KPNA1: variants seen among roughly 807,000 people sequenced by gnomAD.
The protein encoded by KPNA1 is importin subunit alpha-5.
A neutral mutation model predicts 70.5 loss-of-function variants in KPNA1; 10 were observed. That is an observed-to-expected ratio of 0.14 (90% CI 0.09 to 0.24). The LOEUF is 0.24. KPNA1 is among the 10% of genes least tolerant of loss of function. The pLI is 1.00. For missense variants in KPNA1, 397 were observed against 637.9 expected (o/e 0.62, Z 4.07); for synonymous variants, 192 against 221.9 (o/e 0.87, Z 1.20).
intron 1 of KPNA1, among the ~76,000 whole-genome samples, chr3:122,503,220 G>C (rs2076850034): frequency 6.6e-6 from 1 of 151,578 alleles, no homozygotes; most frequent in Non-Finnish European, 1.5e-5. Flanking sequence ...GAGTTGTAAG[G>C]GTAAGCAATT....
At chr3:122,506,969 G>A (rs953717173) in intron 1 of KPNA1, among the ~76,000 whole-genome samples, 13 of 152,166 alleles carry the variant, frequency 8.5e-5, no homozygotes, top group African/African-American at 3.1e-4. Context: ...ACTGCAGTGT[G>A]ATTATTCTAG....
intron 5 of KPNA1, chr3:122,459,814 C>T: frequency 1.0e-6 from 1 of 985,360 alleles, no homozygotes. Flanking sequence ...AGGAACTCAT[C>T]ACCGCAACAA....
chr3:122,442,155 A>G (rs2076072184), intron 9 of KPNA1, 39 bp from the exon 10 acceptor site: 2 of 1,474,452 alleles, frequency 1.4e-6, no homozygotes, highest in East Asian at 4.5e-5. Flanking sequence ...AAACAGTTCT[A>G]TCCTTAGTTT....
Position 122,496,574 on chromosome 3 carries a change from C to T in KPNA1, c.-5-4G>A. 1 of 1,612,910 alleles carries T rather than the reference C, an allele frequency of 6.2e-7. No homozygotes were observed. Among genetic ancestry groups the T allele is most frequent in the South Asian group, 1.1e-5 (1 of 91,018 alleles). On this transcript the variant is annotated splice_polypyrimidine_tract_variant and splice_region_variant and intron_variant, in intron 1 of 13. Coordinates refer to ENST00000344337, the MANE Select transcript of KPNA1 (RefSeq NM_002264.4). ...TTTCCTGGGGTGGTCATGATTTCTA[C>T]AATACAAGTGGGGAGAGAACAAATG...
intron 1 of KPNA1, among the ~76,000 whole-genome samples, chr3:122,514,192 A>G (rs1266589274): frequency 6.6e-6 from 1 of 151,906 alleles, no homozygotes; most frequent in Admixed American, 6.6e-5. Context: ...TGACATCGGT[A>G]AACTGCAGCC....
chr3:122,506,421 A>G (rs1044078190), intron 1 of KPNA1, among the ~76,000 whole-genome samples: 1 of 152,246 alleles, frequency 6.6e-6, no homozygotes, highest in Admixed American at 6.5e-5. Flanking sequence ...ATTGATGTTA[A>G]CAGCTTCTAG....
At chr3:122,495,108 G>T (rs112787849) in intron 2 of KPNA1, among the ~76,000 whole-genome samples, 20,204 of 151,678 alleles carry the variant, frequency 0.13, 1,422 homozygotes, top group Middle Eastern at 0.27. Context: ...AAATTAGCTG[G>T]GTGTGGTGGC....
At chr3:122,494,957 GT>G (rs2076740468) in intron 2 of KPNA1, among the ~76,000 whole-genome samples, 1 of 151,946 alleles carries the variant, frequency 6.6e-6, no homozygotes, top group Non-Finnish European at 1.5e-5. Flanking sequence ...TAATCATGCT[GT>G]TAAGATTTCT....
intron 2 of KPNA1, among the ~76,000 whole-genome samples, chr3:122,490,422 T>C (rs1410393230): frequency 6.6e-6 from 1 of 152,252 alleles, no homozygotes; most frequent in East Asian, 1.9e-4. Flanking sequence ...GTATTTTATC[T>C]GTTTATTCCT....
intron 1 of KPNA1, among the ~76,000 whole-genome samples, chr3:122,507,420 G>T (rs1349847748): frequency 1.5e-5 from 2 of 131,538 alleles, no homozygotes; most frequent in South Asian, 2.4e-4. Flanking sequence ...CAGCCTGGGC[G>T]ACAGAGCAAG....
At chr3:122,489,053 C>CGTGTGTGT (rs111683855) in intron 2 of KPNA1, among the ~76,000 whole-genome samples, 4,728 of 118,718 alleles carry the variant, frequency 0.04, 155 homozygotes, top group Middle Eastern at 0.066. Flanking sequence ...GGTTTTTTTG[C>CGTGTGTGT]GTGCGTGTGT....
At chr3:122,478,274 C>G (rs2076527700) in intron 2 of KPNA1, among the ~76,000 whole-genome samples, 1 of 151,870 alleles carries the variant, frequency 6.6e-6, no homozygotes, top group South Asian at 2.1e-4. Flanking sequence ...AACCACAGGT[C>G]TTACATCCTT....
At chr3:122,496,319 A>AACACACACACAC (rs9289194) in intron 2 of KPNA1, 118 bp downstream of exon 2, 63,825 of 437,676 alleles carry the variant, frequency 0.15, 4,099 homozygotes, top group East Asian at 0.17. Context: ...AGAAGGGGAA[A>AACACACACACAC]ACACACACAC....
Position 122,459,559 on chromosome 3 carries a change from T to C in KPNA1, c.432+1665A>G, listed in dbSNP as rs2076299656. On this transcript the variant is annotated intron_variant, in intron 5 of 13. Transcript: ENST00000344337. The stretch of plus-strand genomic sequence containing the variant: ...TCTGTTCTCTGCAGTGTTGGTTGTC[T>C]GGATTTCCTTTTATCCTGAGAAAAG... 18 of 985,506 alleles carry C rather than the reference T, an allele frequency of 1.8e-5. No individual in the cohort carries two copies. In the South Asian group the frequency reaches 7.0e-4, roughly 39 times the overall value. The allele number at this position is 985,506 out of a possible 1,614,324, so 61.0% of individuals were successfully genotyped here. A position where few individuals can be genotyped will look rare whatever the true frequency, so the allele number is the denominator to read the frequency against.
At chr3:122,471,560 G>A (rs1462695351) in intron 2 of KPNA1, among the ~76,000 whole-genome samples, 3 of 152,206 alleles carry the variant, frequency 2.0e-5, no homozygotes, top group Admixed American at 6.5e-5. Flanking sequence ...AAGCGGAGTT[G>A]GCCAGACGTG....
chr3:122,459,899 G>A, intron 5 of KPNA1: 1 of 985,260 alleles, frequency 1.0e-6, no homozygotes, highest in Non-Finnish European at 1.2e-6. Context: ...CAAGTTGTAT[G>A]AATAATCTAT....
chr3:122,476,884 ACTAAAAAAAG>A (rs2076506613), intron 2 of KPNA1, among the ~76,000 whole-genome samples: 1 of 138,648 alleles, frequency 7.2e-6, no homozygotes. Context: ...AAAAAAAAAA[ACTAAAAAAAG>A]AATTACCATA....
intron 2 of KPNA1, among the ~76,000 whole-genome samples, chr3:122,471,513 T>C (rs1176319850): frequency 6.6e-6 from 1 of 152,198 alleles, no homozygotes; most frequent in Admixed American, 6.5e-5. Flanking sequence ...AGTAAATAGA[T>C]GGAGAAATAT....
chr3:122,508,597 G>T (rs1190720021), intron 1 of KPNA1, among the ~76,000 whole-genome samples: 2 of 152,092 alleles, frequency 1.3e-5, no homozygotes. Flanking sequence ...TTTCTAAAAT[G>T]AGTTCTCAAA....
Sources: allele counts gnomAD v4.1 joint callset (sites outside exome capture counted in the v4.1 genomes callset), GRCh38; gene constraint gnomAD v4.1.1; transcripts MANE v1.5; gene names NCBI Gene and HGNC (gene_info 2026-07-23, HGNC 2026-07-21).